The following NRG3 variants were observed in gnomAD, a reference collection of about 807,000 sequenced individuals.
NRG3 encodes pro-neuregulin-3, membrane-bound isoform.
In NRG3, 31 loss-of-function variants were observed where a neutral mutation model predicts 66.9. The observed-to-expected ratio is 0.46, with a 90% confidence interval of 0.35 to 0.63. NRG3 has a LOEUF of 0.63. NRG3 is among the 20% of genes least tolerant of loss of function. The pLI is 0.00. For missense variants in NRG3, 910 were observed against 878.9 expected (o/e 1.04, Z -0.45); for synonymous variants, 393 against 359.4 (o/e 1.09, Z -1.06).
At chr10:82,384,929 CG>C (rs1200929438) in intron 2 of NRG3, among the ~76,000 whole-genome samples, 29 of 152,202 alleles carry the variant, frequency 1.9e-4, no homozygotes, top group African/African-American at 6.5e-4. Context: ...TCCACAACCT[CG>C]CCAACATCTG....
chr10:82,747,603 T>G (rs2134885552), intron 3 of NRG3, among the ~76,000 whole-genome samples: 1 of 152,242 alleles, frequency 6.6e-6, no homozygotes, highest in South Asian at 2.1e-4. Flanking sequence ...CTTTTTTCAC[T>G]TGTTTATTGG....
intron 2 of NRG3, among the ~76,000 whole-genome samples, chr10:82,517,784 T>C (rs947777986): frequency 2.6e-5 from 4 of 151,942 alleles, no homozygotes; most frequent in Non-Finnish European, 4.4e-5. Context: ...CAAGCCAAAT[T>C]TGAGGTAATT....
Position 81,942,364 on chromosome 10 carries a change from C to T in NRG3, c.823+66201C>T, listed in dbSNP as rs140853254. Among the ~76,000 whole-genome samples the T allele has an allele frequency of 2.4e-3, 370 of 152,140 alleles. 4 individuals are homozygous for T. The highest frequency in any genetic ancestry group is 8.5e-3 in the African/African-American group (351 of 41,518). On this transcript the variant is annotated intron_variant, in intron 1 of 8. Coordinates refer to ENST00000372141, the MANE Select transcript of NRG3 (RefSeq NM_001010848.4). ...CCCGCTTTCTGAAAAGACTCATAGT[C>T]CTCAGTTTTTGATGTAAGTAGGACT...
At chr10:82,438,786 T>C (rs2090285210) in intron 2 of NRG3, among the ~76,000 whole-genome samples, 1 of 152,168 alleles carries the variant, frequency 6.6e-6, no homozygotes, top group Non-Finnish European at 1.5e-5. Flanking sequence ...GGTTCTTCTT[T>C]CCCATGTGGC....
At chr10:82,029,582 G>T (rs2062470476) in intron 1 of NRG3, among the ~76,000 whole-genome samples, 1 of 151,490 alleles carries the variant, frequency 6.6e-6, no homozygotes, top group African/African-American at 2.4e-5. Context: ...ATTTCATTAT[G>T]TGTCACTACT....
At chr10:82,581,583 G>T (rs1037033231) in intron 2 of NRG3, among the ~76,000 whole-genome samples, 18 of 152,078 alleles carry the variant, frequency 1.2e-4, no homozygotes, top group African/African-American at 4.1e-4. Context: ...GAGGAGAATG[G>T]GAAATTATTG....
chr10:82,106,827 A>C (rs2067095077), intron 1 of NRG3, among the ~76,000 whole-genome samples: 2 of 152,104 alleles, frequency 1.3e-5, no homozygotes, highest in South Asian at 4.1e-4. Context: ...TTTTTTATCC[A>C]GGGATCTACA....
At chr10:82,868,851 C>T (rs1419711408) in intron 4 of NRG3, among the ~76,000 whole-genome samples, 2 of 152,240 alleles carry the variant, frequency 1.3e-5, no homozygotes, top group East Asian at 1.9e-4. Context: ...TGCCACCACG[C>T]TCAACTAATT....
At chr10:82,377,381 T>G (rs1040047207) in intron 2 of NRG3, among the ~76,000 whole-genome samples, 2 of 151,686 alleles carry the variant, frequency 1.3e-5, no homozygotes, top group African/African-American at 4.9e-5. Context: ...TCCTGCAGGA[T>G]GAGGGTAAGT....
intron 1 of NRG3, among the ~76,000 whole-genome samples, chr10:82,215,963 CTTTT>C (rs71894841): frequency 1.3e-4 from 12 of 89,712 alleles, no homozygotes; most frequent in African/African-American, 5.1e-4. Flanking sequence ...TTATGTTTTC[CTTTT>C]TTTTTTTTTT....
chr10:81,963,429 G>T (rs78879556), intron 1 of NRG3, among the ~76,000 whole-genome samples: 2,038 of 148,708 alleles, frequency 0.014, 46 homozygotes, highest in African/African-American at 0.048. Flanking sequence ...CACCGCGCCC[G>T]GCCCACGAGG....
At chr10:82,348,336 T>A (rs1184011513) in intron 1 of NRG3, among the ~76,000 whole-genome samples, 1 of 147,432 alleles carries the variant, frequency 6.8e-6, no homozygotes, top group Non-Finnish European at 1.5e-5. Flanking sequence ...AAGCTTAGTT[T>A]GGCTGGATAT....
chr10:82,721,308 T>A (rs1288019193), intron 2 of NRG3, among the ~76,000 whole-genome samples: 14 of 142,126 alleles, frequency 9.9e-5, no homozygotes, highest in African/African-American at 3.7e-4. Context: ...ATTTTTTGTA[T>A]TTTTTTTTTT....
At chr10:81,888,408 G>A (rs1307018537) in intron 1 of NRG3, among the ~76,000 whole-genome samples, 1 of 152,142 alleles carries the variant, frequency 6.6e-6, no homozygotes, top group African/African-American at 2.4e-5. Context: ...AAACATTAAA[G>A]TGTGATATAC....
chr10:82,436,580 G>A (rs941701557), intron 2 of NRG3, among the ~76,000 whole-genome samples: 4 of 152,152 alleles, frequency 2.6e-5, no homozygotes, highest in African/African-American at 4.8e-5. Flanking sequence ...CTGTCATCAT[G>A]CTGCTATTTG....
chr10:82,456,598 C>T (rs1028741496), intron 2 of NRG3, among the ~76,000 whole-genome samples: 10 of 152,072 alleles, frequency 6.6e-5, no homozygotes, highest in Non-Finnish European at 1.2e-4. Flanking sequence ...ATCATATATG[C>T]CAGTTCCTTT....
intron 3 of NRG3, chr10:82,859,322 A>C (rs1414569617): frequency 1.4e-4 from 21 of 152,220 alleles, no homozygotes; most frequent in Non-Finnish European, 1.5e-5. Flanking sequence ...ACCAGGGTTT[A>C]AATGATCACA....
At chr10:82,241,104 A>G (rs1440711851) in intron 1 of NRG3, among the ~76,000 whole-genome samples, 1 of 152,154 alleles carries the variant, frequency 6.6e-6, no homozygotes, top group Non-Finnish European at 1.5e-5. Flanking sequence ...ATACTTTTCT[A>G]TGAACATTAG....
chr10:82,328,441 A>G (rs1451398489), intron 1 of NRG3, among the ~76,000 whole-genome samples: 1 of 152,212 alleles, frequency 6.6e-6, no homozygotes, highest in Non-Finnish European at 1.5e-5. Context: ...ATACTATGCA[A>G]TGTGTAGTGA....
Sources: allele counts gnomAD v4.1 joint callset (sites outside exome capture counted in the v4.1 genomes callset), GRCh38; gene constraint gnomAD v4.1.1; transcripts MANE v1.5; gene names NCBI Gene and HGNC (gene_info 2026-07-23, HGNC 2026-07-21).